Variants in MEGF6 observed in about 807,000 individuals in gnomAD.
MEGF6 encodes multiple epidermal growth factor-like domains protein 6.
MEGF6 carries 184 observed loss-of-function variants against 207.1 expected under a neutral mutation model. The observed-to-expected ratio is 0.89, with a 90% CI of 0.79 to 1.00. MEGF6 has a LOEUF of 1.00. Ranked by LOEUF, MEGF6 falls within the 50% of genes least tolerant of loss-of-function variation. The probability of loss-of-function intolerance (pLI) is 0.00; values close to 1 mark genes in which losing one functional copy is unlikely to be tolerated. For missense variants in MEGF6, 2,282 were observed against 2,202.9 expected, an observed-to-expected ratio of 1.04 and a Z score of -0.72; for synonymous variants, 1,038 against 910.0, an observed-to-expected ratio of 1.14 and a Z score of -2.53.
chr1:3,612,146 G>A (rs1353529726), upstream of MEGF6, among the ~76,000 whole-genome samples: 1 of 152,220 alleles, frequency 6.6e-6, no homozygotes, highest in Non-Finnish European at 1.5e-5. Context: ...CTGCTTCGGG[G>A]ACCTGCATTG....
chr1:3,599,080 C>T (rs1644119331), intron 2 of MEGF6, among the ~76,000 whole-genome samples: 1 of 152,202 alleles, frequency 6.6e-6, no homozygotes, highest in Non-Finnish European at 1.5e-5. Context: ...GCTCCACAGC[C>T]CAGAAGCCAG....
chr1:3,579,859 A>G lies in MEGF6; in HGVS notation c.447T>C (p.Cys149=). Residue 149 remains cysteine, a synonymous_variant, in exon 4 of 37, where the codon TGT becomes TGC. Coordinates refer to ENST00000356575, the MANE Select transcript of MEGF6 (RefSeq NM_001409.4). ...AGCGGGGTCCCTGGAAGCCGGGGGG[A>G]CAGTGACACGGCTGGGCTGAGCCTG... ...CVPGSAQPCH[C]PPGFQGPRCQ... 2 of 1,538,318 alleles carry G rather than the reference A, an allele frequency of 1.3e-6. No individual in the cohort carries two copies. The highest frequency in any genetic ancestry group is 2.5e-5 in the East Asian group (1 of 39,354).
At chr1:3,530,891 G>A (rs2101370225) in intron 4 of MEGF6, among the ~76,000 whole-genome samples, 1 of 152,364 alleles carries the variant, frequency 6.6e-6, no homozygotes, top group South Asian at 2.1e-4. Flanking sequence ...GGGGACGGGG[G>A]TGACCGACTC....
At chr1:3,595,515 C>T in intron 2 of MEGF6, 68 bp from the exon 3 acceptor site, 1 of 1,332,416 alleles carries the variant, frequency 7.5e-7, no homozygotes, top group South Asian at 1.2e-5. Context: ...CTCACTGCAC[C>T]CCTGGGGAGA....
At position 3,546,012 on chromosome 1, in the gene MEGF6, G is replaced by A. The variant is rs150540085; in HGVS notation, c.482-21766C>T. Among the ~76,000 whole-genome samples the A allele has an allele frequency of 4.5e-4, 69 of 152,326 alleles. No homozygotes were observed. In the East Asian group the frequency reaches 0.013, roughly 28 times the overall value. ...GTTGCGTTTGGCAAGGGAAGTTCTG[G>A]GAGATGATGACAGTAAGTGTCTGAC... On this transcript the variant is annotated intron_variant, in intron 4 of 36. Transcript: ENST00000356575.
At position 3,560,940 on chromosome 1, in the gene MEGF6, G is replaced by GC. The variant is rs1365998690; in HGVS notation, c.481+18884dup. 2.7e-6 allele frequency: 1 copy of GC among 363,970 alleles called. No individual in the cohort carries two copies. Among genetic ancestry groups the GC allele is most frequent in the African/African-American group, 2.2e-5 (1 of 44,954 alleles). The allele number at this position is 363,970 out of a possible 1,614,324, so 22.5% of individuals were successfully genotyped here. A position where few individuals can be genotyped will look rare whatever the true frequency, so the allele number is the denominator to read the frequency against. On this transcript the variant is annotated intron_variant, in intron 4 of 36. Coordinates refer to ENST00000356575, the MANE Select transcript of MEGF6 (RefSeq NM_001409.4). The surrounding 1 kb of genome is among the most constrained non-coding windows in gnomAD (Gnocchi z 4.0). ...ACCCTCTGGCACACATCCATCTAGT[G>GC]CCCCAGGGGCTTCGGAGGGCAGGGG...
At position 3,501,093 on chromosome 1, in the gene MEGF6, C is replaced by T. The variant is rs1640841956; in HGVS notation, c.2448G>A (p.Val816=). Residue 816 remains valine (V), a splice_region_variant and synonymous_variant, in exon 20 of 37, where the codon GTG becomes GTA. Coordinates refer to ENST00000356575, the MANE Select transcript of MEGF6 (RefSeq NM_001409.4). The stretch of plus-strand genomic sequence containing the variant: ...TGGGACCATACCAGCCTGCTGGGCA[C>T]ACTACAGGCAGGCGAGAGAGGGTGA... ...PGFVGSRCQD[V]CPAGWYGPSC... is the part of the protein sequence containing the mutation. The T allele has an allele frequency of 6.2e-7, 1 of 1,612,678 alleles. No individual in the cohort carries two copies. Among genetic ancestry groups the T allele is most frequent in the East Asian group, 2.2e-5 (1 of 44,868 alleles).
chr1:3,557,904 C>T (rs10909966), intron 4 of MEGF6, among the ~76,000 whole-genome samples: 2,394 of 152,304 alleles, frequency 0.016, 64 homozygotes, highest in African/African-American at 0.055. Context: ...TCTCCACAGG[C>T]TCTCAGGAAA....
intron 36 of MEGF6, 135 bp from the exon 37 acceptor site, chr1:3,490,724 C>A: frequency 2.6e-6 from 3 of 1,151,436 alleles, no homozygotes; most frequent in Non-Finnish European, 2.5e-6. Context: ...GGGGCCCACC[C>A]ATCCTTCCCA....
intron 26 of MEGF6, chr1:3,497,614 G>A (rs921503601): frequency 7.4e-6 from 5 of 671,348 alleles, no homozygotes; most frequent in Non-Finnish European, 1.4e-5. Context: ...ATGTGCCCTT[G>A]GCACAGGCTG....
At position 3,492,951 on chromosome 1, in the gene MEGF6, C is replaced by T. The variant is rs113957212; in HGVS notation, c.4388-184G>A. 1,041 of 713,056 alleles carry T rather than the reference C, an allele frequency of 1.5e-3. 13 individuals are homozygous for T. The African/African-American group carries it at 0.017, about 12-fold the overall frequency. The allele number at this position is 713,056 out of a possible 1,614,324, so 44.2% of individuals were successfully genotyped here. A position where few individuals can be genotyped will look rare whatever the true frequency, so the allele number is the denominator to read the frequency against. ...GAGGAGTAAACAGTCCCTGCCCTGC[C>T]TTCCTCAGCTACATTCTGCAGCCAG... On this transcript the variant is annotated intron_variant, in intron 34 of 36. Transcript: ENST00000356575.
At chr1:3,567,390 G>A (rs74048629) in intron 4 of MEGF6, among the ~76,000 whole-genome samples, 3,201 of 152,344 alleles carry the variant, frequency 0.021, 122 homozygotes, top group African/African-American at 0.074. Context: ...CCCAGTCTTG[G>A]GCATAGCTCC....
At chr1:3,595,126 C>T (rs568184327) in intron 3 of MEGF6, among the ~76,000 whole-genome samples, 10 of 152,374 alleles carry the variant, frequency 6.6e-5, no homozygotes, top group Non-Finnish European at 1.3e-4. Context: ...TGACCCCACC[C>T]GGCCCCAGCT....
chr1:3,543,666 C>T (rs140731769), intron 4 of MEGF6, among the ~76,000 whole-genome samples: 355 of 152,346 alleles, frequency 2.3e-3, no homozygotes, highest in African/African-American at 7.3e-3. Flanking sequence ...GCCGAGATGC[C>T]GTCTAGCCTC....
At chr1:3,513,934 G>A (rs945811917) in intron 7 of MEGF6, among the ~76,000 whole-genome samples, 3 of 151,748 alleles carry the variant, frequency 2.0e-5, no homozygotes, top group African/African-American at 7.3e-5. Context: ...TTTTCCTGCT[G>A]GGCAGGCACT....
At chr1:3,510,043 G>A in intron 10 of MEGF6, 51 bp from the exon 11 acceptor site, 5 of 1,552,940 alleles carry the variant, frequency 3.2e-6, no homozygotes, top group Non-Finnish European at 3.5e-6. Flanking sequence ...TGGGGAACCA[G>A]GAAGGCCCCT....
Position 3,494,076 on chromosome 1 carries a change from C to CACCA in MEGF6, c.4174_4177dup (p.Cys1393LeufsTer27). 1.2e-6 allele frequency: 2 copies of CACCA among 1,601,190 alleles called. No homozygotes were observed. The highest frequency in any genetic ancestry group is 1.7e-6 in the Non-Finnish European group (2 of 1,173,362). On this transcript the variant is annotated frameshift_variant, in exon 33 of 37. Coordinates refer to ENST00000356575, the MANE Select transcript of MEGF6 (RefSeq NM_001409.4). LOFTEE classifies it high-confidence loss of function. ...GGGGTCGCAGGGGGCTCCATGTTGACACCAGCACAACCCCTGGCAGCCAGC... is the reference window on the plus strand; with the variant it reads ...GGGGTCGCAGGGGGCTCCATGTTGACACCAACCAGCACAACCCCTGGCAGCCAGC...
chr1:3,513,475 G>T (rs949963126), intron 7 of MEGF6, among the ~76,000 whole-genome samples: 5 of 150,520 alleles, frequency 3.3e-5, no homozygotes, highest in African/African-American at 9.8e-5. Flanking sequence ...ACAGGATCTC[G>T]CTATGTTGCC....
chr1:3,551,743 G>C (rs984258223), intron 4 of MEGF6, among the ~76,000 whole-genome samples: 5 of 152,200 alleles, frequency 3.3e-5, no homozygotes, highest in East Asian at 3.9e-4. Context: ...GAGCTGGATG[G>C]GGGGAGCTGG....
Sources: gnomAD v4.1 joint callset for allele counts (sites outside exome capture counted in the v4.1 genomes callset) on GRCh38, gnomAD v4.1.1 for gene constraint, Gnocchi (gnomAD v3.1) non-coding constraint, MANE v1.5 for transcripts, NCBI Gene and HGNC (gene_info 2026-07-23, HGNC 2026-07-21) for gene names.